TDRD15: variants seen among roughly 807,000 people sequenced by gnomAD.
TDRD15 encodes the protein tudor domain-containing protein 15.
For synonymous variants in TDRD15, 503 were observed against 314.5 expected (o/e 1.60, Z -6.34); for missense variants, 1,416 against 904.7 (o/e 1.57, Z -7.25).
chr2:21,130,221 T>G (rs1223368076), intron 2 of TDRD15, among the ~76,000 whole-genome samples: 1 of 152,254 alleles, frequency 6.6e-6, no homozygotes, highest in Non-Finnish European at 1.5e-5. Context: ...GCTTTAGTTC[T>G]TACCCATAGG....
chr2:21,138,273 A>G lies in TDRD15; in HGVS notation c.806A>G (p.Asn269Ser), dbSNP rs1412059287. ...QLIKWTPELE[N>S]LTAHMTLHYD... ...ATTAAATGGACTCCAGAGCTAGAAA[A>G]CTTGACAGCACATATGACTTTGCAT... The change falls in exon 4 of 4, where the codon AAC becomes AGC. Residue 269 changes from asparagine to serine, a missense_variant. By Grantham distance (46) the Asn-to-Ser change is conservative. Transcript: ENST00000405799. 5.6e-6 allele frequency: 4 copies of G among 716,068 alleles called. No individual in the cohort carries two copies. In the African/African-American group the frequency reaches 7.0e-5, roughly 13 times the overall value. 44.4% of individuals were successfully genotyped at this position (716,068 alleles called of 1,614,324 possible).
At position 21,132,314 on chromosome 2, in the gene TDRD15, A is replaced by AT. The variant is rs972028214; in HGVS notation, c.-89-2438dup. Among the ~76,000 whole-genome samples, 104 of 150,292 alleles carry AT rather than the reference A, an allele frequency of 6.9e-4. No individual in the cohort carries two copies. The South Asian group carries it at 0.011, about 15-fold the overall frequency. ...CACTCAGTGAAATTAGAAGCCACTG[A>AT]TTTTTTTTTTCTCTCTTAGCATATT... On this transcript the variant is annotated intron_variant, in intron 2 of 3. Coordinates refer to ENST00000405799, the MANE Select transcript of TDRD15 (RefSeq NM_001306137.2).
intron 2 of TDRD15, among the ~76,000 whole-genome samples, chr2:21,132,217 T>TTGG (rs1457544575): frequency 2.0e-5 from 3 of 151,820 alleles, no homozygotes; most frequent in Non-Finnish European, 2.9e-5. Flanking sequence ...ACGGGAGGTT[T>TTGG]TGGTGGTGGT....
At chr2:21,135,369 C>G (rs1558297524) in intron 3 of TDRD15, among the ~76,000 whole-genome samples, 1 of 151,658 alleles carries the variant, frequency 6.6e-6, no homozygotes, top group African/African-American at 2.4e-5. Flanking sequence ...AAGAGTTTGA[C>G]TGACATCCAC....
intron 3 of TDRD15, among the ~76,000 whole-genome samples, chr2:21,136,001 A>G (rs1329992935): frequency 6.6e-6 from 1 of 152,008 alleles, no homozygotes; most frequent in Non-Finnish European, 1.5e-5. Context: ...TCTACTTTTT[A>G]TACATGAAAA....
chr2:21,140,011 A>G lies in TDRD15; in HGVS notation c.2544A>G (p.Ala848=), dbSNP rs1394370219. The G allele has an allele frequency of 1.4e-6, 1 of 715,688 alleles. No homozygotes were observed. Among genetic ancestry groups the G allele is most frequent in the African/African-American group, 1.8e-5 (1 of 57,128 alleles). The allele number at this position is 715,688 out of a possible 1,614,324, so 44.3% of individuals were successfully genotyped here. Residue 848 remains alanine, a synonymous_variant, in exon 4 of 4, where the codon GCA becomes GCG. Coordinates refer to ENST00000405799, the MANE Select transcript of TDRD15 (RefSeq NM_001306137.2). The stretch of plus-strand genomic sequence containing the variant: ...GGGTTTTAATTGAAGATCTTTGTGC[A>G]ATTAACCCACGTTTTCTCTTGTTAG... The part of the protein sequence containing the change: ...QKRVLIEDLC[A]INPRFLLLES...
At chr2:21,131,012 A>C (rs1178856939) in intron 2 of TDRD15, among the ~76,000 whole-genome samples, 1 of 152,232 alleles carries the variant, frequency 6.6e-6, no homozygotes, top group South Asian at 2.1e-4. Flanking sequence ...TGATGTAACT[A>C]GTTGAGTTGC....
chr2:21,144,502 T>A (rs935041673), downstream of TDRD15, among the ~76,000 whole-genome samples: 1 of 151,908 alleles, frequency 6.6e-6, no homozygotes, highest in African/African-American at 2.4e-5. Context: ...AATTGATAAA[T>A]GCTTTACAAT....
At chr2:21,133,222 A>C (rs1213051648) in intron 2 of TDRD15, among the ~76,000 whole-genome samples, 2 of 152,210 alleles carry the variant, frequency 1.3e-5, no homozygotes, top group African/African-American at 4.8e-5. Flanking sequence ...GGAAAACCAA[A>C]GCACAGATGC....
chr2:21,136,935 G>A (rs1194918611), intron 3 of TDRD15, among the ~76,000 whole-genome samples: 4 of 151,954 alleles, frequency 2.6e-5, no homozygotes, highest in Admixed American at 6.6e-5. Context: ...TAATGATGCC[G>A]ATAGAGTCCA....
rs1214588243 is a variant in TDRD15 at position 21,138,864 on chromosome 2, T to C, written c.1397T>C (p.Ile466Thr). The C allele has an allele frequency of 1.4e-6, 1 of 714,904 alleles. No homozygotes were observed. Among genetic ancestry groups the C allele is most frequent in the African/African-American group, 1.8e-5 (1 of 57,080 alleles). 44.3% of individuals were successfully genotyped at this position (714,904 alleles called of 1,614,324 possible). ...ATAGACTCTCTAAATAAAAAAGGCATTTTAAAAGTAGGTTTTCCCATTAAA... is the reference window on the plus strand; with the variant it reads ...ATAGACTCTCTAAATAAAAAAGGCACTTTAAAAGTAGGTTTTCCCATTAAA... ...WSIDSLNKKG[I>T]LKVGFPIKTV... The change falls in exon 4 of 4, where the codon ATT becomes ACT. Residue 466 changes from isoleucine (I) to threonine (T), a missense_variant. Physicochemically the swap from Ile to Thr is moderately conservative, Grantham distance 89 (BLOSUM62 -1). Transcript: ENST00000405799.
intron 3 of TDRD15, among the ~76,000 whole-genome samples, chr2:21,137,130 T>C (rs922543766): frequency 1.3e-5 from 2 of 152,012 alleles, no homozygotes; most frequent in Non-Finnish European, 2.9e-5. Flanking sequence ...CTCCTTTCAT[T>C]ACACCACATC....
In TDRD15 at chr2:21,132,749, A is replaced by G. The variant is rs183036184; in HGVS notation, c.-89-2013A>G. Among the ~76,000 whole-genome samples, 1,151 of 152,276 alleles carry G rather than the reference A, an allele frequency of 7.6e-3. 15 individuals are homozygous for G. Among genetic ancestry groups the G allele is most frequent in the African/African-American group, 0.026 (1,095 of 41,548 alleles). ...AAGATGTCTCCCTTAGTAAGATTAGAAAAATATTCTTGTATTTTCTTCTAA... is the reference window on the plus strand; with the variant it reads ...AAGATGTCTCCCTTAGTAAGATTAGGAAAATATTCTTGTATTTTCTTCTAA... On this transcript the variant is annotated intron_variant, in intron 2 of 3. Coordinates refer to ENST00000405799, the MANE Select transcript of TDRD15 (RefSeq NM_001306137.2).
downstream of TDRD15, among the ~76,000 whole-genome samples, chr2:21,146,080 A>G (rs779105645): frequency 6.6e-6 from 1 of 152,042 alleles, no homozygotes; most frequent in African/African-American, 2.4e-5. Flanking sequence ...AAGGTTGATA[A>G]TCACTACTCT....
intron 2 of TDRD15, among the ~76,000 whole-genome samples, chr2:21,129,171 G>A (rs567054075): frequency 3.3e-5 from 5 of 152,146 alleles, no homozygotes; most frequent in South Asian, 2.1e-4. Context: ...TTCACTTTTA[G>A]TTGTTAGGAA....
Position 21,141,476 on chromosome 2 carries a change from G to C in TDRD15, c.4009G>C (p.Glu1337Gln), listed in dbSNP as rs10201436. ...ALNATARRLRERKSVKPLVGD... is the reference protein window; with the variant it reads ...ALNATARRLRQRKSVKPLVGD... ...AAATGCAACAGCAAGGAGATTGAGA[G>C]AGAGAAAATCAGTTAAACCTCTAGT... The change falls in exon 4 of 4, where the codon GAG becomes CAG. Residue 1337 changes from glutamate (E) to glutamine (Q), a missense_variant. Physicochemically the swap from Glu to Gln is conservative, Grantham distance 29 (BLOSUM62 2). Transcript: ENST00000405799. The C allele has an allele frequency of 2.8e-6, 2 of 714,360 alleles. No individual in the cohort carries two copies. Among genetic ancestry groups the C allele is most frequent in the Non-Finnish European group, 5.2e-6 (2 of 383,586 alleles). 44.3% of individuals were successfully genotyped at this position (714,360 alleles called of 1,614,324 possible).
Position 21,143,314 on chromosome 2 carries a change from G to A in TDRD15, c.*42G>A. ...ATTTTCCCATTGTTAGATCAAAATT[G>A]TTACAAAAAACAAAATATAAATTTT... is the stretch of plus-strand genomic sequence containing the variant. On this transcript the variant is annotated 3_prime_UTR_variant, in exon 4 of 4. Coordinates refer to ENST00000405799, the MANE Select transcript of TDRD15 (RefSeq NM_001306137.2). 2 of 511,100 alleles carry A rather than the reference G, an allele frequency of 3.9e-6. No homozygotes were observed. The highest frequency in any genetic ancestry group is 3.2e-5 in the East Asian group (1 of 31,612). 31.7% of individuals were successfully genotyped at this position (511,100 alleles called of 1,614,324 possible).
Position 21,139,672 on chromosome 2 carries a change from C to A in TDRD15, c.2205C>A (p.Phe735Leu), listed in dbSNP as rs761851459. The A allele has an allele frequency of 1.4e-6, 1 of 713,188 alleles. No homozygotes were observed. Among genetic ancestry groups the A allele is most frequent in the Admixed American group, 2.0e-5 (1 of 49,346 alleles). The allele number at this position is 713,188 out of a possible 1,614,324, so 44.2% of individuals were successfully genotyped here. Residue 735 changes from phenylalanine (F) to leucine (L), a missense_variant, in exon 4 of 4, where the codon TTC (phenylalanine) becomes TTA (leucine). Phe to Leu is a conservative substitution (Grantham distance 22). Coordinates refer to ENST00000405799, the MANE Select transcript of TDRD15 (RefSeq NM_001306137.2). ...AVNISEFKNPFTLSVGPESSW... is the reference protein window; with the variant it reads ...AVNISEFKNPLTLSVGPESSW... The stretch of plus-strand genomic sequence containing the variant: ...ATATCTCAGAATTTAAAAATCCTTT[C>A]ACCTTGTCTGTGGGACCTGAGTCAT...
Position 21,142,262 on chromosome 2 carries a change from A to G in TDRD15, c.4795A>G (p.Lys1599Glu), listed in dbSNP as rs965810705. ...ATGGCATCGATCAAAAGTAGAAGAA[A>G]AGTATGTTGATGATAAAGTACTTGT... Reference protein sequence around the residue: ...LKWHRSKVEEKYVDDKVLVFL... With the variant: ...LKWHRSKVEEEYVDDKVLVFL... The change falls in exon 4 of 4, where the codon AAG (lysine) becomes GAG (glutamate). Residue 1599 changes from lysine (K) to glutamate (E), a missense_variant. Lys to Glu is a moderately conservative substitution (Grantham distance 56). Coordinates refer to ENST00000405799, the MANE Select transcript of TDRD15 (RefSeq NM_001306137.2). 1.4e-6 allele frequency: 1 copy of G among 699,598 alleles called. No individual in the cohort carries two copies. Among genetic ancestry groups the G allele is most frequent in the Non-Finnish European group, 2.6e-6 (1 of 379,810 alleles). The allele number at this position is 699,598 out of a possible 1,614,324, so 43.3% of individuals were successfully genotyped here.
Sources: gnomAD v4.1 joint callset for allele counts (sites outside exome capture counted in the v4.1 genomes callset) on GRCh38, gnomAD v4.1.1 for gene constraint, MANE v1.5 for transcripts, NCBI Gene and HGNC (gene_info 2026-07-23, HGNC 2026-07-21) for gene names.